TTC7B: variants seen among roughly 807,000 people sequenced by gnomAD.
The protein encoded by TTC7B is tetratricopeptide repeat protein 7B.
A neutral mutation model predicts 106.8 loss-of-function variants in TTC7B; 28 were observed. That is an observed-to-expected ratio of 0.26 (90% CI 0.19 to 0.36). The LOEUF (loss-of-function observed/expected upper bound fraction) is 0.36. TTC7B is among the 10% of genes least tolerant of loss of function. The pLI, the probability that TTC7B is intolerant of heterozygous loss-of-function variation, is 1.00. For missense variants in TTC7B, 862 were observed against 1,076.4 expected (o/e 0.80, Z 2.79); for synonymous variants, 405 against 430.6 (o/e 0.94, Z 0.74).
chr14:90,631,511 C>T (rs578112879), intron 15 of TTC7B, among the ~76,000 whole-genome samples: 5 of 151,632 alleles, frequency 3.3e-5, no homozygotes, highest in African/African-American at 9.7e-5. Flanking sequence ...CAGGTTCAAG[C>T]GATTCTTCTG....
intron 4 of TTC7B, among the ~76,000 whole-genome samples, chr14:90,738,369 G>A (rs1038168390): frequency 2.0e-5 from 3 of 152,084 alleles, no homozygotes; most frequent in African/African-American, 4.8e-5. Context: ...CAGCATTTTC[G>A]GAGGCCAAGC....
intron 5 of TTC7B, among the ~76,000 whole-genome samples, chr14:90,726,136 A>G (rs781739530): frequency 2.0e-5 from 3 of 152,194 alleles, no homozygotes; most frequent in Non-Finnish European, 4.4e-5. Flanking sequence ...AAATTGATTG[A>G]CATGCCCAAA....
At chr14:90,777,919 T>C (rs1215180587) in intron 3 of TTC7B, among the ~76,000 whole-genome samples, 1 of 152,206 alleles carries the variant, frequency 6.6e-6, no homozygotes, top group South Asian at 2.1e-4. Flanking sequence ...GCATTTTATG[T>C]GTGCTATCTC....
At chr14:90,718,640 T>A in intron 5 of TTC7B, among the ~76,000 whole-genome samples, 1 of 151,906 alleles carries the variant, frequency 6.6e-6, no homozygotes, top group Non-Finnish European at 1.5e-5. Context: ...CGGCCTTAGA[T>A]CCCCAGCACC....
chr14:90,746,800 C>T (rs544371358), intron 3 of TTC7B, among the ~76,000 whole-genome samples: 30 of 152,292 alleles, frequency 2.0e-4, no homozygotes, highest in African/African-American at 7.0e-4. Flanking sequence ...CTTTTGCTTT[C>T]TTCTTTAGAA....
chr14:90,543,343 G>C (rs147648117), intron 19 of TTC7B, among the ~76,000 whole-genome samples: 9 of 152,038 alleles, frequency 5.9e-5, no homozygotes, highest in Admixed American at 5.2e-4. Flanking sequence ...CAGAGTGATG[G>C]ATTCCTCCTA....
intron 15 of TTC7B, among the ~76,000 whole-genome samples, chr14:90,621,091 A>G (rs1213481474): frequency 2.7e-5 from 4 of 149,074 alleles, no homozygotes; most frequent in Non-Finnish European, 4.4e-5. Context: ...GATGGGGCAG[A>G]GGCCACATGG....
intron 19 of TTC7B, among the ~76,000 whole-genome samples, chr14:90,544,587 G>A (rs561903553): frequency 2.0e-4 from 31 of 152,308 alleles, no homozygotes; most frequent in Non-Finnish European, 2.6e-4. Context: ...ACAAATGGTA[G>A]GCCACCTACC....
chr14:90,762,014 T>A (rs1238848573), intron 3 of TTC7B, among the ~76,000 whole-genome samples: 1 of 152,168 alleles, frequency 6.6e-6, no homozygotes, highest in Non-Finnish European at 1.5e-5. Context: ...ATGAAAGAGA[T>A]AAGAGGCCAA....
intron 19 of TTC7B, among the ~76,000 whole-genome samples, chr14:90,553,133 C>T (rs1193966090): frequency 6.6e-6 from 1 of 152,132 alleles, no homozygotes; most frequent in East Asian, 1.9e-4. Flanking sequence ...CCCAGCATGC[C>T]CTCTCAGAGC....
chr14:90,747,396 TA>T (rs1890001778), intron 3 of TTC7B, among the ~76,000 whole-genome samples: 1 of 152,248 alleles, frequency 6.6e-6, no homozygotes, highest in Non-Finnish European at 1.5e-5. Flanking sequence ...CCATTTGCTG[TA>T]ATAAACTGTA....
At chr14:90,628,603 C>T (rs543052567) in intron 15 of TTC7B, among the ~76,000 whole-genome samples, 25 of 152,222 alleles carry the variant, frequency 1.6e-4, no homozygotes, top group Middle Eastern at 3.4e-3. Context: ...ATAGAAATGG[C>T]GCCTTCTGCA....
At chr14:90,804,296 C>T (rs538997695) in intron 1 of TTC7B, among the ~76,000 whole-genome samples, 122 of 151,420 alleles carry the variant, frequency 8.1e-4, no homozygotes, top group African/African-American at 2.9e-3. Flanking sequence ...ATCACCACTG[C>T]ACTCCAGCCT....
chr14:90,677,635 C>A (rs184609891), intron 8 of TTC7B, among the ~76,000 whole-genome samples: 3 of 152,192 alleles, frequency 2.0e-5, no homozygotes, highest in East Asian at 3.8e-4. Flanking sequence ...AAGGCCCCCC[C>A]AGTCTTTCCT....
Position 90,578,413 on chromosome 14 carries a change from G to A in TTC7B, c.2108-105C>T. ...GTTCCCTGCACGGGAGTCTGGCGGG[G>A]CGCAGAGCCAGCTGATCCCTGCTCC... On this transcript the variant is annotated intron_variant, in intron 18 of 19. Transcript: ENST00000328459. The surrounding 1 kb of genome is among the most constrained non-coding windows in gnomAD (Gnocchi z 4.7). 8.2e-7 allele frequency: 1 copy of A among 1,213,860 alleles called. No individual in the cohort carries two copies. Among genetic ancestry groups the A allele is most frequent in the African/African-American group, 1.5e-5 (1 of 67,166 alleles). 75.2% of individuals were successfully genotyped at this position (1,213,860 alleles called of 1,614,324 possible). A position where few individuals can be genotyped will look rare whatever the true frequency, so the allele number is the denominator to read the frequency against.
At chr14:90,585,063 T>C (rs1891658074) in intron 18 of TTC7B, among the ~76,000 whole-genome samples, 1 of 152,178 alleles carries the variant, frequency 6.6e-6, no homozygotes. Flanking sequence ...GATTTTGTCT[T>C]CAAGTGCCGT....
At chr14:90,765,101 G>A (rs1009317478) in intron 3 of TTC7B, among the ~76,000 whole-genome samples, 4 of 152,086 alleles carry the variant, frequency 2.6e-5, no homozygotes, top group Admixed American at 6.5e-5. Flanking sequence ...TATGCAAAAT[G>A]GTATATCCAT....
intron 9 of TTC7B, among the ~76,000 whole-genome samples, chr14:90,666,345 G>T (rs995431922): frequency 1.3e-5 from 2 of 152,162 alleles, no homozygotes; most frequent in Admixed American, 6.5e-5. Flanking sequence ...ATTTTTAGTA[G>T]AGACAGGGTT....
chr14:90,653,212 C>T (rs113422901), intron 12 of TTC7B, among the ~76,000 whole-genome samples: 23 of 152,314 alleles, frequency 1.5e-4, no homozygotes, highest in Middle Eastern at 3.4e-3. Flanking sequence ...AGAAGGAGCA[C>T]GACTGCCCTC....
Sources: gnomAD v4.1 joint callset for allele counts (sites outside exome capture counted in the v4.1 genomes callset) on GRCh38, gnomAD v4.1.1 for gene constraint, Gnocchi (gnomAD v3.1) non-coding constraint, MANE v1.5 for transcripts, NCBI Gene and HGNC (gene_info 2026-07-23, HGNC 2026-07-21) for gene names.